The following NLGN1 variants were observed in gnomAD, a reference collection of about 807,000 sequenced individuals.
NLGN1 encodes the protein neuroligin 1.
A neutral mutation model predicts 65.5 loss-of-function variants in NLGN1; 12 were observed. The ratio of observed to expected loss-of-function variants is 0.18; its 90% CI spans 0.12 to 0.30. NLGN1 has a LOEUF of 0.30. Ranked by LOEUF, NLGN1 falls within the 10% of genes least tolerant of loss-of-function variation. The pLI is 1.00. For synonymous variants in NLGN1, 350 were observed against 359.5 expected (o/e 0.97, Z 0.30); for missense variants, 750 against 1,007.1 (o/e 0.74, Z 3.46).
At chr3:173,446,989 A>G (rs977548887) in intron 2 of NLGN1, among the ~76,000 whole-genome samples, 19 of 152,100 alleles carry the variant, frequency 1.2e-4, no homozygotes, top group Non-Finnish European at 1.5e-4. Context: ...AGTAGGTTGC[A>G]AAAATTTTCT....
intron 4 of NLGN1, among the ~76,000 whole-genome samples, chr3:173,886,440 C>T (rs1317336945): frequency 6.6e-6 from 1 of 151,920 alleles, no homozygotes; most frequent in Admixed American, 6.6e-5. Context: ...CTCTAAAGTA[C>T]ATTTTACATT....
At chr3:173,609,406 C>G (rs1414624715) in intron 3 of NLGN1, among the ~76,000 whole-genome samples, 1 of 151,914 alleles carries the variant, frequency 6.6e-6, no homozygotes, top group Non-Finnish European at 1.5e-5. Flanking sequence ...TTTACGTGCT[C>G]TGGTTCATGG....
intron 4 of NLGN1, among the ~76,000 whole-genome samples, chr3:174,191,581 A>T (rs1330723471): frequency 6.6e-6 from 1 of 152,170 alleles, no homozygotes; most frequent in African/African-American, 2.4e-5. Flanking sequence ...ATGAAACTAC[A>T]AATCACATGC....
chr3:173,739,497 T>C (rs767130230), intron 3 of NLGN1, among the ~76,000 whole-genome samples: 1 of 152,108 alleles, frequency 6.6e-6, no homozygotes, highest in Non-Finnish European at 1.5e-5. Context: ...GGGGTTTGCT[T>C]ATATTAATTC....
intron 2 of NLGN1, among the ~76,000 whole-genome samples, chr3:173,594,651 T>C (rs1028201783): frequency 1.3e-5 from 2 of 152,334 alleles, no homozygotes; most frequent in Middle Eastern, 6.8e-3. Flanking sequence ...GGACTCTGTG[T>C]TGGGGCTCTG....
intron 4 of NLGN1, among the ~76,000 whole-genome samples, chr3:173,928,742 GCTCCCTGCAACCTCTGC>G (rs1174668698): frequency 6.6e-6 from 1 of 150,740 alleles, no homozygotes; most frequent in African/African-American, 2.5e-5. Flanking sequence ...CACGATCTCG[GCTCCCTGCAACCTCTGC>G]CTCCTGGGTT....
intron 2 of NLGN1, among the ~76,000 whole-genome samples, chr3:173,483,365 T>C (rs1727621497): frequency 6.6e-6 from 1 of 151,938 alleles, no homozygotes; most frequent in African/African-American, 2.4e-5. Context: ...GGGGTAGAAT[T>C]TCATGAAGGT....
chr3:173,448,638 T>C (rs1213980928), intron 2 of NLGN1, among the ~76,000 whole-genome samples: 1 of 152,232 alleles, frequency 6.6e-6, no homozygotes, highest in Admixed American at 6.5e-5. Context: ...GAAGGAATGG[T>C]ACCAGCTCCT....
chr3:173,675,887 T>TCACACACACA (rs35370304), intron 3 of NLGN1, among the ~76,000 whole-genome samples: 21 of 138,640 alleles, frequency 1.5e-4, no homozygotes, highest in Non-Finnish European at 1.9e-4. Flanking sequence ...TCTCTCTCTC[T>TCACACACACA]CACACACACA....
chr3:173,557,205 G>A (rs111353924), intron 2 of NLGN1, among the ~76,000 whole-genome samples: 17 of 151,894 alleles, frequency 1.1e-4, no homozygotes, highest in African/African-American at 3.1e-4. Context: ...TTATAATTAC[G>A]AAATGTTACT....
At position 174,280,797 on chromosome 3, in the gene NLGN1, G is replaced by T. The variant is rs761897097; in HGVS notation, c.1966G>T (p.Asp656Tyr). The change falls in exon 7 of 7, where the codon GAT becomes TAT. Residue 656 changes from aspartate to tyrosine, a missense_variant. Coordinates refer to ENST00000457714, the Ensembl canonical transcript of NLGN1. This position sits in a 1 kb window ranked among gnomAD's most constrained non-coding sequence, Gnocchi z 4.9. ...GTCAGCCTTTCCCACTGCCAAGCAG[G>T]ATGATCCCAAACAACAACCAAGTCC... 2 of 1,613,348 alleles carry T rather than the reference G, an allele frequency of 1.2e-6. No homozygotes were observed. Among genetic ancestry groups the T allele is most frequent in the Non-Finnish European group, 1.7e-6 (2 of 1,179,566 alleles).
chr3:173,600,666 C>T (rs1027140892), intron 2 of NLGN1, among the ~76,000 whole-genome samples: 1 of 139,070 alleles, frequency 7.2e-6, no homozygotes, highest in African/African-American at 2.6e-5. Flanking sequence ...GCCCTGCTCC[C>T]ACATTCATCA....
At chr3:174,209,978 ACAATGT>A (rs1157790899) in intron 4 of NLGN1, among the ~76,000 whole-genome samples, 1 of 151,832 alleles carries the variant, frequency 6.6e-6, no homozygotes, top group African/African-American at 2.4e-5. Flanking sequence ...CATCCAAACC[ACAATGT>A]CCTGGGCACC....
chr3:174,213,822 T>G (rs995969773), intron 4 of NLGN1, among the ~76,000 whole-genome samples: 8 of 152,182 alleles, frequency 5.3e-5, no homozygotes, highest in Admixed American at 4.6e-4. Context: ...TATAATTTAC[T>G]TTTGAAAACT....
chr3:174,107,603 C>T (rs966189899), intron 4 of NLGN1, among the ~76,000 whole-genome samples: 14 of 152,150 alleles, frequency 9.2e-5, no homozygotes, highest in Non-Finnish European at 1.5e-4. Flanking sequence ...CATTCATTTA[C>T]ACATTTTGAG....
In NLGN1 at chr3:174,280,551, G is replaced by T. The variant is rs190409184; in HGVS notation, c.1720G>T (p.Ala574Ser). The T allele has an allele frequency of 1.2e-6, 2 of 1,613,066 alleles. No individual in the cohort carries two copies. Among genetic ancestry groups the T allele is most frequent in the East Asian group, 4.5e-5 (2 of 44,828 alleles). The change falls in exon 7 of 7, where the codon GCA becomes TCA. Residue 574 changes from alanine to serine, a missense_variant. Ala to Ser is a moderately conservative substitution (Grantham distance 99). Transcript: ENST00000457714. This position sits in a 1 kb window ranked among gnomAD's most constrained non-coding sequence, Gnocchi z 4.9. Reference sequence around the variant, plus strand: ...CAAACCCAACCGTTTTGAAGAAGTAGCATGGACCAGATATTCCCAGAAAGA... The same window carrying T: ...CAAACCCAACCGTTTTGAAGAAGTATCATGGACCAGATATTCCCAGAAAGA...
chr3:173,466,681 A>C (rs998979732), intron 2 of NLGN1, among the ~76,000 whole-genome samples: 1 of 152,246 alleles, frequency 6.6e-6, no homozygotes, highest in Non-Finnish European at 1.5e-5. Flanking sequence ...CAAGCTATCA[A>C]ATTAATCAGC....
intron 4 of NLGN1, among the ~76,000 whole-genome samples, chr3:173,880,125 A>G (rs1483355316): frequency 6.6e-6 from 1 of 152,214 alleles, no homozygotes; most frequent in African/African-American, 2.4e-5. Context: ...TTAAAAATAT[A>G]AATTTAGGTA....
intron 4 of NLGN1, among the ~76,000 whole-genome samples, chr3:173,813,963 T>G (rs1375668452): frequency 6.6e-6 from 1 of 152,246 alleles, no homozygotes; most frequent in East Asian, 1.9e-4. Flanking sequence ...AGTATATGAT[T>G]ATTTATAGTA....
Sources: gnomAD v4.1 joint callset for allele counts (sites outside exome capture counted in the v4.1 genomes callset) on GRCh38, gnomAD v4.1.1 for gene constraint, Gnocchi (gnomAD v3.1) non-coding constraint, MANE v1.5 for transcripts, NCBI Gene and HGNC (gene_info 2026-07-23, HGNC 2026-07-21) for gene names.